ATL3: variants seen among roughly 807,000 people sequenced by gnomAD.
ATL3 encodes the protein atlastin GTPase 3.
In ATL3, 49 loss-of-function variants were observed where a neutral mutation model predicts 69.5. That is an observed-to-expected ratio of 0.71 (90% CI 0.56 to 0.89). ATL3 has a LOEUF of 0.89. Ranked by LOEUF, ATL3 falls within the 40% of genes least tolerant of loss-of-function variation. The pLI, the probability that ATL3 is intolerant of heterozygous loss-of-function variation, is 0.00. For missense variants in ATL3, 606 were observed against 645.7 expected, an observed-to-expected ratio of 0.94 and a Z score of 0.67; for synonymous variants, 214 against 224.1, an observed-to-expected ratio of 0.95 and a Z score of 0.40.
In ATL3 at chr11:63,636,401, C is replaced by T. The variant is rs74694908; in HGVS notation, c.851-67G>A. The T allele has an allele frequency of 9.4e-4, 1,504 of 1,596,462 alleles. 16 individuals are homozygous for T. In the African/African-American group the frequency reaches 0.019, roughly 20 times the overall value. ...GCCTTATTCAACCAAGGTGAACACA[C>T]AATGCAGTCTTCCCAGTCTAGTGCT... On this transcript the variant is annotated intron_variant, in intron 8 of 12. Transcript: ENST00000398868.
Position 63,631,405 on chromosome 11 carries a change from G to C in ATL3, c.1174C>G (p.Gln392Glu). Reference protein sequence around the residue: ...ILEEKHCEFKQLALDHFKKTK... With the variant: ...ILEEKHCEFKELALDHFKKTK... The stretch of plus-strand genomic sequence containing the variant: ...TTCTTAAAATGGTCCAGAGCAAGTT[G>C]TTTGAATTCACAGTGCTTCTCCTCT... The change falls in exon 12 of 13, where the codon CAA becomes GAA. Residue 392 changes from glutamine (Q) to glutamate (E), a missense_variant. Coordinates refer to ENST00000398868, the MANE Select transcript of ATL3 (RefSeq NM_015459.5). 6.2e-7 allele frequency: 1 copy of C among 1,614,152 alleles called. No individual in the cohort carries two copies. The highest frequency in any genetic ancestry group is 1.6e-4 in the Middle Eastern group (1 of 6,062).
intron 10 of ATL3, among the ~76,000 whole-genome samples, chr11:63,633,717 C>CAAAAA (rs755308089): frequency 2.4e-5 from 1 of 41,272 alleles, no homozygotes; most frequent in Non-Finnish European, 4.3e-5. Context: ...AGATGTGAGT[C>CAAAAA]AAAAAAAAAA....
At chr11:63,643,882 G>C (rs976680377) in intron 7 of ATL3, among the ~76,000 whole-genome samples, 65 of 152,086 alleles carry the variant, frequency 4.3e-4, no homozygotes, top group African/African-American at 1.4e-3. Context: ...CTAAAATTCT[G>C]AGTATGATTT....
At chr11:63,630,951 T>A in intron 12 of ATL3, 89 bp downstream of exon 12, 1 of 1,365,636 alleles carries the variant, frequency 7.3e-7, no homozygotes. Flanking sequence ...GTCTTCACTA[T>A]GAAATTCTTC....
intron 1 of ATL3, among the ~76,000 whole-genome samples, chr11:63,661,016 C>T (rs1218580167): frequency 6.6e-6 from 1 of 151,558 alleles, no homozygotes; most frequent in Non-Finnish European, 1.5e-5. Flanking sequence ...GAGTTCAAAA[C>T]CAGCCTGGCC....
At chr11:63,632,994 A>C (rs1431964651) in intron 11 of ATL3, 32 bp downstream of exon 11, 1 of 1,595,608 alleles carries the variant, frequency 6.3e-7, no homozygotes, top group East Asian at 2.2e-5. Flanking sequence ...CAGATTATAG[A>C]TATTTCAGAA....
intron 1 of ATL3, among the ~76,000 whole-genome samples, chr11:63,668,871 A>C (rs2134548559): frequency 7.5e-6 from 1 of 133,836 alleles, no homozygotes; most frequent in East Asian, 2.1e-4. Flanking sequence ...AACAAGGCTC[A>C]CTGCAGAAAA....
intron 3 of ATL3, among the ~76,000 whole-genome samples, chr11:63,655,036 G>C (rs193052823): frequency 6.6e-6 from 1 of 152,070 alleles, no homozygotes; most frequent in Admixed American, 6.6e-5. Context: ...ATGTAGACTT[G>C]TGGATTTTCC....
At chr11:63,647,991 T>C (rs147409862) in intron 5 of ATL3, among the ~76,000 whole-genome samples, 245 of 152,130 alleles carry the variant, frequency 1.6e-3, no homozygotes, top group Admixed American at 2.9e-3. Flanking sequence ...CAGGAGGAGG[T>C]GTAGGAGTCC....
Position 63,626,101 on chromosome 11 carries a change from T to C in ATL3, c.*3218A>G, listed in dbSNP as rs1050919847. 6.6e-6 allele frequency: 1 copy of C among 151,160 alleles called. No homozygotes were observed. Among genetic ancestry groups the C allele is most frequent in the Non-Finnish European group, 1.5e-5 (1 of 67,846 alleles). 9.4% of individuals were successfully genotyped at this position (151,160 alleles called of 1,614,324 possible). ...CTACGAAAATAAGGCATGACTCAGC[T>C]GGGCGGGGTGGCTCATGCCTGTAAT... On this transcript the variant is annotated 3_prime_UTR_variant, in exon 13 of 13. Transcript: ENST00000398868.
chr11:63,625,478 G>C lies in ATL3; in HGVS notation c.*3841C>G, dbSNP rs1009543857. 6.6e-6 allele frequency: 1 copy of C among 152,080 alleles called. No individual in the cohort carries two copies. The highest frequency in any genetic ancestry group is 1.5e-5 in the Non-Finnish European group (1 of 68,012). The allele number at this position is 152,080 out of a possible 1,614,324, so 9.4% of individuals were successfully genotyped here. A position where few individuals can be genotyped will look rare whatever the true frequency, so the allele number is the denominator to read the frequency against. On this transcript the variant is annotated 3_prime_UTR_variant, in exon 13 of 13. Transcript: ENST00000398868. ...TTTAAAAAATTAAAAAATTAAAACT[G>C]TTTTATTGCTTTTGCATGGACTTGA...
At chr11:63,644,364 TA>T in intron 6 of ATL3, 103 bp from the exon 7 acceptor site, 1 of 635,976 alleles carries the variant, frequency 1.6e-6, no homozygotes. Context: ...ACAAAGGGGG[TA>T]AAGTAGAAGG....
intron 5 of ATL3, among the ~76,000 whole-genome samples, chr11:63,647,359 A>G (rs528607811): frequency 6.6e-6 from 1 of 151,936 alleles, no homozygotes; most frequent in Non-Finnish European, 1.5e-5. Flanking sequence ...ACACCTGGCT[A>G]ATTTTGTATT....
chr11:63,665,710 G>A (rs1006103174), intron 1 of ATL3, among the ~76,000 whole-genome samples: 5 of 151,944 alleles, frequency 3.3e-5, no homozygotes, highest in African/African-American at 9.7e-5. Flanking sequence ...GCAACACGGC[G>A]AAACCCCATC....
At chr11:63,654,141 T>A (rs946453310) in intron 3 of ATL3, among the ~76,000 whole-genome samples, 47 of 151,286 alleles carry the variant, frequency 3.1e-4, no homozygotes, top group African/African-American at 1.1e-3. Flanking sequence ...AAAATAAAGA[T>A]ACAATTTGTT....
intron 5 of ATL3, among the ~76,000 whole-genome samples, chr11:63,651,231 C>T (rs1184911811): frequency 2.6e-5 from 4 of 151,836 alleles, no homozygotes; most frequent in African/African-American, 4.8e-5. Flanking sequence ...CCGAGGCAGG[C>T]GGATCACGAG....
chr11:63,657,171 T>C (rs1015817898), intron 3 of ATL3, among the ~76,000 whole-genome samples: 2 of 138,538 alleles, frequency 1.4e-5, no homozygotes, highest in East Asian at 2.1e-4. Flanking sequence ...ATGGTGCCAC[T>C]GCACTCCAGC....
chr11:63,668,096 G>GA (rs1293804431), intron 1 of ATL3, among the ~76,000 whole-genome samples: 3 of 152,220 alleles, frequency 2.0e-5, no homozygotes, highest in African/African-American at 7.2e-5. Context: ...ACCAGTCACA[G>GA]AAACACTTTG....
rs1488096115 is a variant in ATL3 at position 63,627,460 on chromosome 11, T to C, written c.*1859A>G. ...AGGACTTACAAAAATACTTCAGTGG[T>C]AAAGTGTCAAAAGAAAATTCTTTGA... On this transcript the variant is annotated 3_prime_UTR_variant, in exon 13 of 13. Coordinates refer to ENST00000398868, the MANE Select transcript of ATL3 (RefSeq NM_015459.5). 6.6e-6 allele frequency: 1 copy of C among 152,168 alleles called. No individual in the cohort carries two copies. The highest frequency in any genetic ancestry group is 1.5e-5 in the Non-Finnish European group (1 of 68,008). 9.4% of individuals were successfully genotyped at this position (152,168 alleles called of 1,614,324 possible). A position where few individuals can be genotyped will look rare whatever the true frequency, so the allele number is the denominator to read the frequency against.
Sources: allele counts gnomAD v4.1 joint callset (sites outside exome capture counted in the v4.1 genomes callset), GRCh38; gene constraint gnomAD v4.1.1; transcripts MANE v1.5; gene names NCBI Gene and HGNC (gene_info 2026-07-23, HGNC 2026-07-21).